CTNNA3: variants seen among roughly 807,000 people sequenced by gnomAD.
CTNNA3 encodes the protein catenin alpha 3, also known as catenin alpha-3.
CTNNA3 carries 76 observed loss-of-function variants against 95.7 expected under a neutral mutation model. The ratio of observed to expected loss-of-function variants is 0.79; its 90% CI spans 0.66 to 0.96. The LOEUF is 0.96. CTNNA3 is among the 40% of genes least tolerant of loss of function. The probability of loss-of-function intolerance (pLI) is 0.00; values close to 1 mark genes in which losing one functional copy is unlikely to be tolerated. For synonymous variants in CTNNA3, 431 were observed against 374.4 expected (o/e 1.15, Z -1.74); for missense variants, 1,191 against 1,089.8 (o/e 1.09, Z -1.31).
At chr10:66,842,418 G>A (rs553992371) in intron 7 of CTNNA3, among the ~76,000 whole-genome samples, 3 of 152,182 alleles carry the variant, frequency 2.0e-5, no homozygotes, top group East Asian at 1.9e-4. Flanking sequence ...TAACTGCCTC[G>A]TATTGAGAAG....
At chr10:67,485,682 G>C (rs897402966) in intron 5 of CTNNA3, among the ~76,000 whole-genome samples, 1 of 152,108 alleles carries the variant, frequency 6.6e-6, no homozygotes, top group African/African-American at 2.4e-5. Flanking sequence ...TTTTCTACTA[G>C]TAACAAGTGT....
chr10:66,965,670 T>C (rs1279031433), intron 7 of CTNNA3, among the ~76,000 whole-genome samples: 1 of 151,872 alleles, frequency 6.6e-6, no homozygotes, highest in Admixed American at 6.6e-5. Context: ...GGTTACTGAT[T>C]GTCCCAAAGC....
chr10:66,008,991 T>C (rs1273737649), intron 15 of CTNNA3, among the ~76,000 whole-genome samples: 1 of 151,976 alleles, frequency 6.6e-6, no homozygotes, highest in Non-Finnish European at 1.5e-5. Context: ...TCCCAGCTAC[T>C]CAGGAGGCTG....
chr10:66,400,993 C>A (rs1380525296), intron 11 of CTNNA3, among the ~76,000 whole-genome samples: 1 of 151,924 alleles, frequency 6.6e-6, no homozygotes, highest in Non-Finnish European at 1.5e-5. Context: ...CTGAAAAGAC[C>A]ACAGGTATGT....
chr10:67,099,789 A>T (rs1225229575), intron 7 of CTNNA3: 1 of 152,004 alleles, frequency 6.6e-6, no homozygotes, highest in Non-Finnish European at 1.5e-5. Context: ...AATTTTTGTC[A>T]TTTTAAATCT....
intron 11 of CTNNA3, among the ~76,000 whole-genome samples, chr10:66,449,465 T>C (rs2093447823): frequency 6.6e-6 from 1 of 152,178 alleles, no homozygotes; most frequent in South Asian, 2.1e-4. Flanking sequence ...TCATTTTGTT[T>C]TCCAATTGTT....
At chr10:67,681,723 T>A (rs1840629295) in intron 1 of CTNNA3, among the ~76,000 whole-genome samples, 2 of 152,082 alleles carry the variant, frequency 1.3e-5, no homozygotes, top group Admixed American at 1.3e-4. Context: ...GTTTAAAATT[T>A]TGACTACAAA....
intron 11 of CTNNA3, among the ~76,000 whole-genome samples, chr10:66,467,954 ATAG>A (rs1274301403): frequency 6.6e-6 from 1 of 152,014 alleles, no homozygotes. Context: ...AGAAAATTTA[ATAG>A]TAGTAGGAGG....
chr10:66,539,981 C>A (rs1411898318), intron 10 of CTNNA3, among the ~76,000 whole-genome samples: 4 of 152,086 alleles, frequency 2.6e-5, no homozygotes, highest in African/African-American at 9.7e-5. Flanking sequence ...TGTCTTCCCT[C>A]CCTAACTCAG....
At position 67,524,285 on chromosome 10, in the gene CTNNA3, C is replaced by T. The variant is rs570473655; in HGVS notation, c.460-2324G>A. 1.0e-3 allele frequency among the ~76,000 whole-genome samples: 157 copies of T among 151,850 alleles called. 1 individual carries two copies. Among genetic ancestry groups the T allele is most frequent in the African/African-American group, 3.6e-3 (151 of 41,454 alleles). ...AGGAGAGGTGGCGGGCGCCTGTAGT[C>T]CCCGCGGGAGGCTGAGGCAGGAGAA... On this transcript the variant is annotated intron_variant, in intron 4 of 17. Coordinates refer to ENST00000433211, the MANE Select transcript of CTNNA3 (RefSeq NM_013266.4).
chr10:67,692,557 T>A (rs1242794650), intron 1 of CTNNA3, among the ~76,000 whole-genome samples: 15 of 135,932 alleles, frequency 1.1e-4, no homozygotes, highest in Non-Finnish European at 2.2e-4. Context: ...TCCTTAAGAG[T>A]CATCACCACT....
chr10:66,434,308 C>T (rs537472747), intron 11 of CTNNA3, among the ~76,000 whole-genome samples: 2 of 152,234 alleles, frequency 1.3e-5, no homozygotes, highest in East Asian at 3.9e-4. Context: ...TTTGTGTTGT[C>T]TCTGATTTCC....
chr10:66,450,181 G>A (rs193046236), intron 11 of CTNNA3, among the ~76,000 whole-genome samples: 8 of 152,092 alleles, frequency 5.3e-5, no homozygotes, highest in African/African-American at 1.9e-4. Context: ...TATGTGAAAA[G>A]GACAAGCCAT....
chr10:67,676,370 A>G (rs1387043862), intron 1 of CTNNA3, among the ~76,000 whole-genome samples: 1 of 152,208 alleles, frequency 6.6e-6, no homozygotes, highest in African/African-American at 2.4e-5. Context: ...CAATTATAAA[A>G]TGATATATGT....
intron 15 of CTNNA3, among the ~76,000 whole-genome samples, chr10:66,033,921 G>A (rs1428394255): frequency 3.9e-5 from 6 of 152,244 alleles, no homozygotes; most frequent in Admixed American, 6.5e-5. Context: ...CCGGCTGCTC[G>A]CATTCAAATT....
chr10:67,652,734 C>CTTATA (rs113552371), intron 1 of CTNNA3, among the ~76,000 whole-genome samples: 66,057 of 151,574 alleles, frequency 0.44, 17,753 homozygotes, highest in African/African-American at 0.77. Context: ...ATTCAATTCC[C>CTTATA]TTAATCTTTG....
rs376886759 is a variant in CTNNA3, at chr10:66,469,173, G to A, written c.1531+51444C>T. Among the ~76,000 whole-genome samples, 30 of 151,878 alleles carry A rather than the reference G, an allele frequency of 2.0e-4. 1 individual carries two copies. The East Asian group carries it at 3.1e-3, about 16-fold the overall frequency. ...CTAGAAACAGTCTCTGACCTTTTGGGGCTCACATATTCAAGAAGGAAAACA... is the reference window on the plus strand; with the variant it reads ...CTAGAAACAGTCTCTGACCTTTTGGAGCTCACATATTCAAGAAGGAAAACA... On this transcript the variant is annotated intron_variant, in intron 11 of 17. Transcript: ENST00000433211.
At chr10:66,303,005 G>A (rs1191935486) in intron 12 of CTNNA3, among the ~76,000 whole-genome samples, 1 of 152,050 alleles carries the variant, frequency 6.6e-6, no homozygotes, top group African/African-American at 2.4e-5. Context: ...AATCAAGTAG[G>A]AATTTGTGAC....
chr10:67,158,808 T>C (rs1193495236), intron 7 of CTNNA3, among the ~76,000 whole-genome samples: 1 of 151,628 alleles, frequency 6.6e-6, no homozygotes, highest in Non-Finnish European at 1.5e-5. Context: ...TCAGCACAAG[T>C]GTACTATATA....
Sources: gnomAD v4.1 joint callset for allele counts (sites outside exome capture counted in the v4.1 genomes callset) on GRCh38, gnomAD v4.1.1 for gene constraint, MANE v1.5 for transcripts, NCBI Gene and HGNC (gene_info 2026-07-23, HGNC 2026-07-21) for gene names.